Variants in FARP1 observed in about 807,000 individuals in gnomAD.
The protein encoded by FARP1 is FERM, ARHGEF and pleckstrin domain-containing protein 1.
A neutral mutation model predicts 128.8 loss-of-function variants in FARP1; 52 were observed. That is an observed-to-expected ratio of 0.40 (90% CI 0.32 to 0.51). The LOEUF (loss-of-function observed/expected upper bound fraction) is 0.51. Ranked by LOEUF, FARP1 falls within the 20% of genes least tolerant of loss-of-function variation. FARP1 has a pLI of 0.45. For missense variants in FARP1, 1,333 were observed against 1,367.9 expected (o/e 0.97, Z 0.40); for synonymous variants, 580 against 551.8 (o/e 1.05, Z -0.72).
intron 5 of FARP1, among the ~76,000 whole-genome samples, chr13:98,371,977 A>G (rs769563310): frequency 4.6e-4 from 69 of 151,470 alleles, no homozygotes; most frequent in Non-Finnish European, 8.4e-4. Flanking sequence ...ATGCCATCCT[A>G]TTGACAGCAG....
intron 2 of FARP1, among the ~76,000 whole-genome samples, chr13:98,221,082 C>T (rs757214930): frequency 1.1e-4 from 17 of 152,110 alleles, no homozygotes; most frequent in South Asian, 2.1e-4. Flanking sequence ...ACCTATGTGG[C>T]GCTGCATGAG....
At chr13:98,393,585 A>G in intron 11 of FARP1, 58 bp from the exon 12 acceptor site, 1 of 1,385,196 alleles carries the variant, frequency 7.2e-7, no homozygotes, top group Non-Finnish European at 1.0e-6. Context: ...ATTTAAAACC[A>G]AGGAAAAAGA....
At chr13:98,349,299 A>G (rs1394010410) in intron 3 of FARP1, among the ~76,000 whole-genome samples, 1 of 152,222 alleles carries the variant, frequency 6.6e-6, no homozygotes, top group Non-Finnish European at 1.5e-5. Flanking sequence ...GGCACATAGT[A>G]GGCACTCAGA....
chr13:98,209,518 T>C (rs1407487733), intron 1 of FARP1, among the ~76,000 whole-genome samples: 1 of 134,282 alleles, frequency 7.4e-6, no homozygotes, highest in Non-Finnish European at 1.6e-5. Flanking sequence ...CTTTGTTGGC[T>C]GGGCACGGTG....
chr13:98,330,628 G>A (rs1468044778), intron 2 of FARP1, among the ~76,000 whole-genome samples: 7 of 152,052 alleles, frequency 4.6e-5, no homozygotes, highest in Non-Finnish European at 2.9e-5. Context: ...GGTGGCAGGC[G>A]CCTGTAATCC....
chr13:98,361,630 C>T (rs1888876365), intron 3 of FARP1, among the ~76,000 whole-genome samples: 1 of 152,216 alleles, frequency 6.6e-6, no homozygotes, highest in Admixed American at 6.5e-5. Context: ...CTTCTCCACT[C>T]TCCTGTATCC....
intron 2 of FARP1, among the ~76,000 whole-genome samples, chr13:98,307,937 C>T (rs879335064): frequency 2.6e-5 from 4 of 151,952 alleles, no homozygotes; most frequent in Non-Finnish European, 4.4e-5. Context: ...TACAATCTGA[C>T]GGCAGCCTAG....
In FARP1 at chr13:98,450,661, C is replaced by T. The variant is rs1893144366; in HGVS notation, c.*2344C>T. 1 of 152,260 alleles carries T rather than the reference C, an allele frequency of 6.6e-6. No homozygotes were observed. The highest frequency in any genetic ancestry group is 1.5e-5 in the Non-Finnish European group (1 of 68,070). 9.4% of individuals were successfully genotyped at this position (152,260 alleles called of 1,614,324 possible). A position where few individuals can be genotyped will look rare whatever the true frequency, so the allele number is the denominator to read the frequency against. ...CTCTGGGCAGCTGAGCCAGGAGCAG[C>T]TCAGGGCTGGCACTGAGAGGCTACT... On this transcript the variant is annotated 3_prime_UTR_variant, in exon 27 of 27. Transcript: ENST00000319562.
chr13:98,199,088 G>T (rs972361753), intron 1 of FARP1, among the ~76,000 whole-genome samples: 10 of 149,666 alleles, frequency 6.7e-5, no homozygotes, highest in African/African-American at 2.5e-4. Context: ...CTCTATTTTC[G>T]CACTTCTATT....
At chr13:98,302,039 C>T (rs764391049) in intron 2 of FARP1, among the ~76,000 whole-genome samples, 1 of 152,038 alleles carries the variant, frequency 6.6e-6, no homozygotes, top group Non-Finnish European at 1.5e-5. Flanking sequence ...AAATTGACCC[C>T]GTACACAGAC....
intron 2 of FARP1, among the ~76,000 whole-genome samples, chr13:98,339,571 C>T (rs909919765): frequency 6.6e-6 from 1 of 152,152 alleles, no homozygotes; most frequent in Non-Finnish European, 1.5e-5. Context: ...AGTGATGTTA[C>T]ATACGGAGTT....
At chr13:98,248,792 C>T (rs761755799) in intron 2 of FARP1, among the ~76,000 whole-genome samples, 2 of 151,640 alleles carry the variant, frequency 1.3e-5, no homozygotes, top group Non-Finnish European at 2.9e-5. Flanking sequence ...TAGTTAGTGC[C>T]GTGATTTGTT....
At chr13:98,170,204 TAC>T (rs374488482) in intron 1 of FARP1, among the ~76,000 whole-genome samples, 27 of 152,200 alleles carry the variant, frequency 1.8e-4, no homozygotes, top group African/African-American at 5.8e-4. Context: ...TTGTTTTTGA[TAC>T]AGAGTCTTAC....
In FARP1 at chr13:98,453,328, T is replaced by C; in HGVS notation, c.*5011T>C. 1 of 991,946 alleles carries C rather than the reference T, an allele frequency of 1.0e-6. No homozygotes were observed. Among genetic ancestry groups the C allele is most frequent in the South Asian group, 1.5e-5 (1 of 68,266 alleles). The allele number at this position is 991,946 out of a possible 1,614,324, so 61.4% of individuals were successfully genotyped here. A position where few individuals can be genotyped will look rare whatever the true frequency, so the allele number is the denominator to read the frequency against. Reference sequence around the variant, plus strand: ...AAATTCCAAGTCATACAAAAATAAGTGGAGCAAATATCAATGTGTAAGTCT... The same window carrying C: ...AAATTCCAAGTCATACAAAAATAAGCGGAGCAAATATCAATGTGTAAGTCT... On this transcript the variant is annotated 3_prime_UTR_variant, in exon 27 of 27. Coordinates refer to ENST00000319562, the MANE Select transcript of FARP1 (RefSeq NM_005766.4).
intron 17 of FARP1, among the ~76,000 whole-genome samples, chr13:98,425,234 TCTGA>T (rs1280982919): frequency 2.0e-5 from 3 of 152,098 alleles, no homozygotes; most frequent in Non-Finnish European, 4.4e-5. Context: ...ACAAACACTG[TCTGA>T]CTGAACATTT....
intron 3 of FARP1, 107 bp downstream of exon 3, chr13:98,343,973 C>T (rs763869300): frequency 9.2e-6 from 7 of 762,626 alleles, no homozygotes; most frequent in Non-Finnish European, 1.4e-5. Context: ...TTCATGCTGT[C>T]TGTTTTGTCT....
At chr13:98,273,430 C>G (rs553194347) in intron 2 of FARP1, among the ~76,000 whole-genome samples, 1 of 152,274 alleles carries the variant, frequency 6.6e-6, no homozygotes, top group East Asian at 1.9e-4. Context: ...GCCTAAACTC[C>G]AAAAGGGAGG....
intron 1 of FARP1, among the ~76,000 whole-genome samples, chr13:98,207,772 A>G (rs924413937): frequency 1.3e-5 from 2 of 152,186 alleles, no homozygotes; most frequent in African/African-American, 4.8e-5. Flanking sequence ...TTTTCTCTGG[A>G]GATTGCATTT....
chr13:98,446,900 G>A, intron 26 of FARP1, 83 bp downstream of exon 26: 2 of 1,461,838 alleles, frequency 1.4e-6, no homozygotes, highest in Non-Finnish European at 1.9e-6. Context: ...AAGTCAGCGA[G>A]TGAGATGGCC....
Sources: allele counts gnomAD v4.1 joint callset (sites outside exome capture counted in the v4.1 genomes callset), GRCh38; gene constraint gnomAD v4.1.1; transcripts MANE v1.5; gene names NCBI Gene and HGNC (gene_info 2026-07-23, HGNC 2026-07-21).